PCDHGA4: variants seen among roughly 807,000 people sequenced by gnomAD.
PCDHGA4 encodes the protein protocadherin gamma subfamily A, 4, also known as protocadherin gamma-A4.
A neutral mutation model predicts 54.6 loss-of-function variants in PCDHGA4; 38 were observed. The observed-to-expected ratio is 0.70, with a 90% CI of 0.54 to 0.91. The LOEUF is 0.91. Among genes scored for constraint, PCDHGA4 ranks in the 40% least tolerant of loss-of-function variants. PCDHGA4 has a pLI of 0.00. For synonymous variants in PCDHGA4, 511 were observed against 512.9 expected, an observed-to-expected ratio of 1.00 and a Z score of 0.05; for missense variants, 1,298 against 1,220.9, an observed-to-expected ratio of 1.06 and a Z score of -0.94.
At position 141,477,754 on chromosome 5, in the gene PCDHGA4, C is replaced by T. The variant is rs1325020341; in HGVS notation, c.2515-17053C>T. The T allele has an allele frequency of 3.7e-6, 6 of 1,613,928 alleles. No homozygotes were observed. Among genetic ancestry groups the T allele is most frequent in the Non-Finnish European group, 5.1e-6 (6 of 1,180,046 alleles). On this transcript the variant is annotated intron_variant, in intron 1 of 3. Coordinates refer to ENST00000571252, the MANE Select transcript of PCDHGA4 (RefSeq NM_018917.4). The surrounding 1 kb of genome is among the most constrained non-coding windows in gnomAD (Gnocchi z 4.9). Reference sequence around the variant, plus strand: ...ATATCAGCGATGGGGGCACCCCGGTCCTAGCCACCAACATCAGCGTGAACA... The same window carrying T: ...ATATCAGCGATGGGGGCACCCCGGTTCTAGCCACCAACATCAGCGTGAACA...
chr5:141,438,615 TATATATATATATATATATATAC>T (rs1275224820), intron 1 of PCDHGA4, among the ~76,000 whole-genome samples: 95 of 35,914 alleles, frequency 2.6e-3, no homozygotes, highest in East Asian at 8.4e-3. Flanking sequence ...TATATATATA[TATATATATATATATATATATAC>T]ACACACACAC....
intron 1 of PCDHGA4, chr5:141,409,530 C>G: frequency 6.2e-7 from 1 of 1,613,994 alleles, no homozygotes. Flanking sequence ...TTGTATGTCG[C>G]TGACATCAAC....
intron 1 of PCDHGA4, among the ~76,000 whole-genome samples, chr5:141,444,152 ATTTTTTTTTTTTTTT>A (rs747671382): frequency 3.8e-4 from 13 of 33,894 alleles, no homozygotes; most frequent in East Asian, 1.0e-3. Context: ...TGTGTACTGG[ATTTTTTTTTTTTTTT>A]TTTTTTTTTT....
chr5:141,374,568 T>C (rs778991888), intron 1 of PCDHGA4: 1 of 1,613,706 alleles, frequency 6.2e-7, no homozygotes, highest in South Asian at 1.1e-5. Flanking sequence ...GACCCTGATG[T>C]GGGAATGAAC....
intron 1 of PCDHGA4, chr5:141,376,220 G>A: frequency 6.2e-7 from 1 of 1,614,202 alleles, no homozygotes; most frequent in Non-Finnish European, 8.5e-7. Context: ...CGTGCTGCTG[G>A]CGCTCAGACT....
rs1375469711 is a variant in PCDHGA4, at chr5:141,512,102, C to A, written c.*929C>A. On this transcript the variant is annotated 3_prime_UTR_variant, in exon 4 of 4. Coordinates refer to ENST00000571252, the MANE Select transcript of PCDHGA4 (RefSeq NM_018917.4). ...GCCATAAACCAATAACTAGGCTGGA[C>A]CCTTCCCACTACATAATAGGGCTCA... The A allele has an allele frequency of 6.5e-6, 1 of 152,688 alleles. No individual in the cohort carries two copies. Among genetic ancestry groups the A allele is most frequent in the Non-Finnish European group, 1.5e-5 (1 of 68,070 alleles). The allele number at this position is 152,688 out of a possible 1,614,324, so 9.5% of individuals were successfully genotyped here. A position where few individuals can be genotyped will look rare whatever the true frequency, so the allele number is the denominator to read the frequency against.
Position 141,409,704 on chromosome 5 carries a change from T to C in PCDHGA4, c.2514+52083T>C. ...GCGAGTGACCTAGAGCCCCTGGCGG[T>C]GTCGTCATACGTGTCAGTGAGCGCG... On this transcript the variant is annotated intron_variant, in intron 1 of 3. Transcript: ENST00000571252. 6.2e-7 allele frequency: 1 copy of C among 1,613,248 alleles called. No homozygotes were observed. Among genetic ancestry groups the C allele is most frequent in the South Asian group, 1.1e-5 (1 of 91,072 alleles).
At position 141,489,088 on chromosome 5, in the gene PCDHGA4, GAC is replaced by G; in HGVS notation, c.2515-5718_2515-5717del. 5.8e-6 allele frequency: 2 copies of G among 347,236 alleles called. No homozygotes were observed. The highest frequency in any genetic ancestry group is 4.7e-5 in the East Asian group (1 of 21,502). The allele number at this position is 347,236 out of a possible 1,614,324, so 21.5% of individuals were successfully genotyped here. A position where few individuals can be genotyped will look rare whatever the true frequency, so the allele number is the denominator to read the frequency against. ...CCCCTGCCCACCCCCGCCACTCGGT[GAC>G]TAAGAACTGCTGCAAGCAGGCAAAC... On this transcript the variant is annotated intron_variant, in intron 1 of 3. Transcript: ENST00000571252. The surrounding 1 kb of genome is among the most constrained non-coding windows in gnomAD (Gnocchi z 4.5).
chr5:141,409,831 C>T (rs1015263434), intron 1 of PCDHGA4: 2 of 1,611,128 alleles, frequency 1.2e-6, no homozygotes, highest in Non-Finnish European at 1.7e-6. Flanking sequence ...CCACGCTCAG[C>T]GCCAACGTGA....
At chr5:141,411,958 GAT>G (rs1485546812) in intron 1 of PCDHGA4, 1 of 152,192 alleles carries the variant, frequency 6.6e-6, no homozygotes, top group African/African-American at 2.4e-5. Flanking sequence ...GAAGAAAAAA[GAT>G]AAAATCTTTG....
chr5:141,375,812 C>G, intron 1 of PCDHGA4: 1 of 1,614,208 alleles, frequency 6.2e-7, no homozygotes, highest in Non-Finnish European at 8.5e-7. Flanking sequence ...TGGCGTGGAG[C>G]TGGCGCCCCG....
At position 141,375,721 on chromosome 5, in the gene PCDHGA4, G is replaced by C. The variant is rs1194190814; in HGVS notation, c.2514+18100G>C. The stretch of plus-strand genomic sequence containing the variant: ...GGGACCCGCCTCTTAGCAGCAACGT[G>C]TCACTGAGCCTGTTTGTGCTGGACC... On this transcript the variant is annotated intron_variant, in intron 1 of 3. Transcript: ENST00000571252. The C allele has an allele frequency of 2.5e-6, 4 of 1,614,148 alleles. No homozygotes were observed. In the African/African-American group the frequency reaches 4.0e-5, roughly 16 times the overall value.
intron 1 of PCDHGA4, chr5:141,374,879 G>C (rs767481676): frequency 6.2e-7 from 1 of 1,613,694 alleles, no homozygotes; most frequent in Admixed American, 1.7e-5. Flanking sequence ...GGCAGTGACT[G>C]CCACCGACCA....
At chr5:141,384,714 A>T (rs750526941) in intron 1 of PCDHGA4, 7 of 1,614,076 alleles carry the variant, frequency 4.3e-6, no homozygotes, top group Non-Finnish European at 5.9e-6. Context: ...CCTGGCTGTC[A>T]TACCTCCTGC....
At chr5:141,436,318 CTG>C (rs1309397202) in intron 1 of PCDHGA4, among the ~76,000 whole-genome samples, 1 of 152,154 alleles carries the variant, frequency 6.6e-6, no homozygotes, top group Non-Finnish European at 1.5e-5. Flanking sequence ...ATAGTCAAGA[CTG>C]TTAGACCATA....
intron 1 of PCDHGA4, chr5:141,362,697 A>T: frequency 1.9e-6 from 2 of 1,057,626 alleles, no homozygotes; most frequent in South Asian, 3.5e-5. Flanking sequence ...TATCTAACTG[A>T]ATTTTAAGTG....
intron 2 of PCDHGA4, among the ~76,000 whole-genome samples, chr5:141,502,719 C>G (rs1242423173): frequency 1.3e-5 from 2 of 152,190 alleles, no homozygotes; most frequent in Non-Finnish European, 2.9e-5. Flanking sequence ...TCAGTGATTA[C>G]AAAGCGGTGA....
Position 141,485,668 on chromosome 5 carries a change from T to C in PCDHGA4, c.2515-9139T>C. 6.2e-7 allele frequency: 1 copy of C among 1,612,698 alleles called. No homozygotes were observed. The highest frequency in any genetic ancestry group is 1.3e-5 in the African/African-American group (1 of 74,972). ...CTCAGGATGCAGATGTGGGGAGCAA[T>C]TCGATTAGCAGCTATAGGCTGAGCT... On this transcript the variant is annotated intron_variant, in intron 1 of 3. Transcript: ENST00000571252. The surrounding 1 kb of genome is among the most constrained non-coding windows in gnomAD (Gnocchi z 5.7).
rs201895231 is a variant in PCDHGA4 at position 141,392,844 on chromosome 5, G to A, written c.2514+35223G>A. On this transcript the variant is annotated intron_variant, in intron 1 of 3. Coordinates refer to ENST00000571252, the MANE Select transcript of PCDHGA4 (RefSeq NM_018917.4). ...CGCTCCACAGAGTCGCCCCAGACGC[G>A]GCGAGCTGATCCTGCTGTGCGCGCT... The A allele has an allele frequency of 1.3e-5, 21 of 1,609,468 alleles. 1 individual carries two copies. The East Asian group carries it at 1.6e-4, about 12-fold the overall frequency.
Sources: gnomAD v4.1 joint callset for allele counts (sites outside exome capture counted in the v4.1 genomes callset) on GRCh38, gnomAD v4.1.1 for gene constraint, Gnocchi (gnomAD v3.1) non-coding constraint, MANE v1.5 for transcripts, NCBI Gene and HGNC (gene_info 2026-07-23, HGNC 2026-07-21) for gene names.